CDH17: variants seen among roughly 807,000 people sequenced by gnomAD.
The protein encoded by CDH17 is cadherin-17.
A neutral mutation model predicts 86.3 loss-of-function variants in CDH17; 67 were observed. The observed-to-expected ratio is 0.78, with a 90% confidence interval of 0.64 to 0.95. The LOEUF is 0.95. Ranked by LOEUF, CDH17 falls within the 40% of genes least tolerant of loss-of-function variation. CDH17 has a pLI of 0.00. For missense variants in CDH17, 993 were observed against 1,017.6 expected, an observed-to-expected ratio of 0.98 and a Z score of 0.33; for synonymous variants, 367 against 366.4, an observed-to-expected ratio of 1.00 and a Z score of -0.02.
intron 1 of CDH17, among the ~76,000 whole-genome samples, chr8:94,195,512 T>C (rs1285254701): frequency 2.0e-5 from 3 of 152,158 alleles, no homozygotes; most frequent in African/African-American, 7.2e-5. Flanking sequence ...TAAGAAAAAA[T>C]TAATTTCTTA....
chr8:94,148,671 C>T, intron 14 of CDH17, 73 bp downstream of exon 14: 20 of 1,302,684 alleles, frequency 1.5e-5, no homozygotes, highest in Non-Finnish European at 1.9e-5. Flanking sequence ...CTTATCCTCC[C>T]TCCCATTTCA....
chr8:94,169,649 A>T (rs1813229416), intron 9 of CDH17, among the ~76,000 whole-genome samples: 2 of 152,188 alleles, frequency 1.3e-5, no homozygotes, highest in South Asian at 4.1e-4. Context: ...CAACAGAACA[A>T]AACAGTTCAA....
In CDH17 at chr8:94,159,951, T is replaced by C; in HGVS notation, c.1551+20A>G. 6.4e-7 allele frequency: 1 copy of C among 1,574,516 alleles called. No individual in the cohort carries two copies. The highest frequency in any genetic ancestry group is 1.2e-5 in the South Asian group (1 of 84,692). On this transcript the variant is annotated intron_variant, in intron 12 of 17. Transcript: ENST00000027335. ...ACCCACAAACAAAGACAAATTCTAT[T>C]AAATAAATGGGCTATTTACCTTTTT...
intron 9 of CDH17, 108 bp downstream of exon 9, chr8:94,170,289 G>A (rs1563577569): frequency 8.7e-7 from 1 of 1,146,480 alleles, no homozygotes; most frequent in African/African-American, 1.5e-5. Flanking sequence ...CTATGCTGTG[G>A]AAGACATGGA....
Position 94,148,900 on chromosome 8 carries a change from A to C in CDH17, c.1797-26T>G, listed in dbSNP as rs200147820. 15 of 1,589,766 alleles carry C rather than the reference A, an allele frequency of 9.4e-6. No homozygotes were observed. The East Asian group carries it at 1.4e-4, about 14-fold the overall frequency. ...CTTCATCAAATGAAAAGAGCAAAAG[A>C]AAGCCTGCATTACTTTGCATGAAAA... On this transcript the variant is annotated intron_variant, in intron 13 of 17. Transcript: ENST00000027335.
At chr8:94,191,147 T>A (rs1813680232) in intron 2 of CDH17, among the ~76,000 whole-genome samples, 1 of 130,026 alleles carries the variant, frequency 7.7e-6, no homozygotes, top group African/African-American at 2.5e-5. Context: ...AGCTTCCATA[T>A]TCCTGATTTT....
rs546760168 is a variant in CDH17, at chr8:94,149,795, G to C, written c.1797-921C>G. On this transcript the variant is annotated intron_variant, in intron 13 of 17. Coordinates refer to ENST00000027335, the MANE Select transcript of CDH17 (RefSeq NM_004063.4). ...CCTGGCCATATTTGTGCTTTCAACG[G>C]AGCTCATTGGTAGGTGTTTGGAAGA... Among the ~76,000 whole-genome samples, 23 of 152,258 alleles carry C rather than the reference G, an allele frequency of 1.5e-4. No homozygotes were observed. In the South Asian group the frequency reaches 4.8e-3, roughly 32 times the overall value.
intron 9 of CDH17, among the ~76,000 whole-genome samples, chr8:94,168,591 A>C (rs186629906): frequency 6.6e-6 from 1 of 152,282 alleles, no homozygotes; most frequent in East Asian, 1.9e-4. Context: ...CAGTTGATTT[A>C]TAAGAATTCT....
intron 13 of CDH17, 49 bp downstream of exon 13, chr8:94,151,799 AGCTCCTCCTCCTCCCCATTG>A: frequency 6.3e-7 from 1 of 1,597,278 alleles, no homozygotes; most frequent in South Asian, 1.1e-5. Flanking sequence ...AGTGCAGGCC[AGCTCCTCCTCCTCCCCATTG>A]GCTTTGGTGA....
chr8:94,130,209 T>C (rs758673918), intron 17 of CDH17, among the ~76,000 whole-genome samples: 20 of 152,186 alleles, frequency 1.3e-4, no homozygotes, highest in Non-Finnish European at 2.1e-4. Context: ...GCATCGCCAC[T>C]GGAAGGCTAA....
chr8:94,155,036 G>T (rs1812920133), intron 12 of CDH17, among the ~76,000 whole-genome samples: 1 of 152,102 alleles, frequency 6.6e-6, no homozygotes, highest in Non-Finnish European at 1.5e-5. Flanking sequence ...ACGTAGAAGG[G>T]TGGGAACTGT....
At chr8:94,165,163 T>C (rs1416648956) in intron 10 of CDH17, among the ~76,000 whole-genome samples, 1 of 152,218 alleles carries the variant, frequency 6.6e-6, no homozygotes, top group African/African-American at 2.4e-5. Flanking sequence ...AACAGGGTTG[T>C]TAATTGACAA....
At chr8:94,182,946 A>G (rs1327829120) in intron 3 of CDH17, among the ~76,000 whole-genome samples, 3 of 152,132 alleles carry the variant, frequency 2.0e-5, no homozygotes, top group Non-Finnish European at 4.4e-5. Context: ...ACAAAAATCA[A>G]TCTTTCTAAC....
At chr8:94,204,880 AG>A (rs1257633176) in intron 1 of CDH17, among the ~76,000 whole-genome samples, 1 of 152,192 alleles carries the variant, frequency 6.6e-6, no homozygotes, top group Non-Finnish European at 1.5e-5. Flanking sequence ...GAGCAGTCAC[AG>A]GAAAGGGAGC....
At chr8:94,129,708 A>G (rs1310042730) in intron 17 of CDH17, among the ~76,000 whole-genome samples, 1 of 152,188 alleles carries the variant, frequency 6.6e-6, no homozygotes, top group African/African-American at 2.4e-5. Context: ...AGTATCCTTA[A>G]TCTGAAAATC....
Position 94,165,873 on chromosome 8 carries a change from C to G in CDH17, c.1170G>C (p.Met390Ile). 1 of 1,613,742 alleles carries G rather than the reference C, an allele frequency of 6.2e-7. No individual in the cohort carries two copies. The highest frequency in any genetic ancestry group is 8.5e-7 in the Non-Finnish European group (1 of 1,179,706). Residue 390 changes from methionine (M) to isoleucine (I), a missense_variant, in exon 10 of 18, where the codon ATG (methionine) becomes ATC (isoleucine). Met to Ile is a conservative substitution (Grantham distance 10). Transcript: ENST00000027335. ...AGGTTTGGATTAGGAAGAGTCCATC[C>G]ATGGGAAGTTTGGGAGTTTGCTCCA... Reference protein sequence around the residue: ...RIVEQTPKLPMDGLFLIQTYA... With the variant: ...RIVEQTPKLPIDGLFLIQTYA...
At position 94,200,532 on chromosome 8, in the gene CDH17, C is replaced by CTTTTTTTTTTT. The variant is rs1387182561; in HGVS notation, c.-20-5828_-20-5827insAAAAAAAAAAA. Among the ~76,000 whole-genome samples, 33 of 50,238 alleles carry CTTTTTTTTTTT rather than the reference C, an allele frequency of 6.6e-4. 7 individuals are homozygous for CTTTTTTTTTTT. The highest frequency in any genetic ancestry group is 2.3e-3 in the African/African-American group (30 of 12,800). The allele number at this position is 50,238 out of a possible 152,430, so 33.0% of individuals were successfully genotyped here. ...TAGATCAGAGGGTTATTATTATTAT[C>CTTTTTTTTTTT]TTTTGTTTTTTTTTTTTTTTTTTTT... On this transcript the variant is annotated intron_variant, in intron 1 of 17. Coordinates refer to ENST00000027335, the MANE Select transcript of CDH17 (RefSeq NM_004063.4).
chr8:94,135,557 C>T (rs57894296), intron 15 of CDH17, among the ~76,000 whole-genome samples: 9 of 152,134 alleles, frequency 5.9e-5, no homozygotes, highest in Non-Finnish European at 5.9e-5. Context: ...TTTCTCTGCA[C>T]GTGAGATGGG....
chr8:94,190,726 A>C (rs1563585954), intron 2 of CDH17, among the ~76,000 whole-genome samples: 1 of 152,026 alleles, frequency 6.6e-6, no homozygotes, highest in Non-Finnish European at 1.5e-5. Flanking sequence ...TTGGGGGAAA[A>C]CCATTTATTT....
Sources: gnomAD v4.1 joint callset for allele counts (sites outside exome capture counted in the v4.1 genomes callset) on GRCh38, gnomAD v4.1.1 for gene constraint, MANE v1.5 for transcripts, NCBI Gene and HGNC (gene_info 2026-07-23, HGNC 2026-07-21) for gene names.